The following DNAJC11 variants were observed in gnomAD, a reference collection of about 807,000 sequenced individuals.
The protein encoded by DNAJC11 is DnaJ heat shock protein family (Hsp40) member C11, also known as dnaJ homolog subfamily C member 11.
In DNAJC11, 15 loss-of-function variants were observed where a neutral mutation model predicts 78.6. The observed-to-expected ratio is 0.19, with a 90% CI of 0.13 to 0.29. The LOEUF (loss-of-function observed/expected upper bound fraction) is 0.29. DNAJC11 is among the 10% of genes least tolerant of loss of function. The pLI, the probability that DNAJC11 is intolerant of heterozygous loss-of-function variation, is 1.00. For synonymous variants in DNAJC11, 292 were observed against 272.1 expected (o/e 1.07, Z -0.72); for missense variants, 547 against 709.6 (o/e 0.77, Z 2.60).
At chr1:6,690,785 G>A (rs1181273072) in intron 1 of DNAJC11, among the ~76,000 whole-genome samples, 5 of 152,284 alleles carry the variant, frequency 3.3e-5, no homozygotes, top group African/African-American at 1.2e-4. Flanking sequence ...TTAGCTGGGC[G>A]TGGTGGCGGG....
At position 6,698,690 on chromosome 1, in the gene DNAJC11, C is replaced by T. The variant is rs568968594; in HGVS notation, c.72+3039G>A. Among the ~76,000 whole-genome samples the T allele has an allele frequency of 2.0e-3, 297 of 151,594 alleles. 3 individuals carry two copies. Among genetic ancestry groups the T allele is most frequent in the African/African-American group, 6.7e-3 (277 of 41,328 alleles). On this transcript the variant is annotated intron_variant, in intron 1 of 15. Transcript: ENST00000377577. Reference sequence around the variant, plus strand: ...GGTGCAGTGGCTCATGCCTGTAATCCCAGCACTTTGGGAGGCTGAGATGGG... The same window carrying T: ...GGTGCAGTGGCTCATGCCTGTAATCTCAGCACTTTGGGAGGCTGAGATGGG...
Position 6,645,404 on chromosome 1 carries a change from G to T in DNAJC11, c.895-278C>A, listed in dbSNP as rs944380153. ...GCTCCTAGGTGGCAGCGGCTGGTGA[G>T]AGCCAAGGAGCAGTGGCCCGTGTGG... On this transcript the variant is annotated intron_variant, in intron 8 of 15. Coordinates refer to ENST00000377577, the MANE Select transcript of DNAJC11 (RefSeq NM_018198.4). This position sits in a 1 kb window ranked among gnomAD's most constrained non-coding sequence, Gnocchi z 4.1. Among the ~76,000 whole-genome samples the T allele has an allele frequency of 6.6e-6, 1 of 152,256 alleles. No individual in the cohort carries two copies. The highest frequency in any genetic ancestry group is 6.5e-5 in the Admixed American group (1 of 15,290).
chr1:6,690,658 C>T lies in DNAJC11; in HGVS notation c.73-9621G>A, dbSNP rs560621822. 1.4e-4 allele frequency among the ~76,000 whole-genome samples: 21 copies of T among 152,336 alleles called. No individual in the cohort carries two copies. The East Asian group carries it at 3.3e-3, about 24-fold the overall frequency. On this transcript the variant is annotated intron_variant, in intron 1 of 15. Transcript: ENST00000377577. The stretch of plus-strand genomic sequence containing the variant: ...CCCCTGAATTGCCTGGGCGTGGTGG[C>T]TCACGCCTGTAATCCCAGCACTTTG...
intron 1 of DNAJC11, among the ~76,000 whole-genome samples, chr1:6,694,752 T>C (rs992834834): frequency 4.7e-5 from 7 of 147,444 alleles, no homozygotes; most frequent in African/African-American, 7.6e-5. Context: ...GATCACAAGG[T>C]CAGGAGATCG....
At chr1:6,641,931 A>G (rs1641884343) in intron 10 of DNAJC11, among the ~76,000 whole-genome samples, 2 of 152,102 alleles carry the variant, frequency 1.3e-5, no homozygotes, top group South Asian at 4.1e-4. Context: ...GAGATTGAAC[A>G]TGGCAAACAT....
intron 4 of DNAJC11, among the ~76,000 whole-genome samples, chr1:6,658,118 G>A (rs981868068): frequency 3.3e-5 from 5 of 152,132 alleles, no homozygotes; most frequent in East Asian, 3.9e-4. Context: ...CAGCTTGATC[G>A]TGAGATTGCA....
intron 10 of DNAJC11, among the ~76,000 whole-genome samples, chr1:6,643,451 A>AT (rs1255934444): frequency 1.3e-5 from 2 of 151,658 alleles, no homozygotes; most frequent in Non-Finnish European, 1.5e-5. Flanking sequence ...AATTTTTTGT[A>AT]TTTTTAGTAG....
intron 7 of DNAJC11, among the ~76,000 whole-genome samples, chr1:6,646,450 C>T (rs1641967434): frequency 6.6e-6 from 1 of 152,180 alleles, no homozygotes; most frequent in South Asian, 2.1e-4. Flanking sequence ...GCTTGGAGTG[C>T]TAAGTGTCCC....
chr1:6,641,657 A>T (rs937393421), intron 10 of DNAJC11, among the ~76,000 whole-genome samples: 2 of 151,642 alleles, frequency 1.3e-5, no homozygotes, highest in Non-Finnish European at 2.9e-5. Context: ...TTGGCCTCCC[A>T]AAGTGTGCGC....
chr1:6,671,371 T>G (rs1186436216), intron 3 of DNAJC11, among the ~76,000 whole-genome samples: 1 of 151,786 alleles, frequency 6.6e-6, no homozygotes, highest in African/African-American at 2.4e-5. Flanking sequence ...GCCTCCTGAG[T>G]AGCTGGGACT....
intron 12 of DNAJC11, chr1:6,637,844 A>G (rs942200829): frequency 1.4e-5 from 6 of 436,838 alleles, no homozygotes; most frequent in African/African-American, 1.2e-4. Context: ...AAAAATAAAG[A>G]GATTTCACAG....
At chr1:6,638,201 G>C in intron 12 of DNAJC11, 94 bp downstream of exon 12, 4 of 1,266,518 alleles carry the variant, frequency 3.2e-6, no homozygotes, top group Non-Finnish European at 4.4e-6. Flanking sequence ...TGTTGGAGAA[G>C]AGAAGTCTGA....
chr1:6,683,907 T>C (rs1642593133), intron 1 of DNAJC11, among the ~76,000 whole-genome samples: 1 of 152,198 alleles, frequency 6.6e-6, no homozygotes, highest in African/African-American at 2.4e-5. Context: ...TAGTGTTTTG[T>C]TTTCCTCCCA....
Position 6,645,744 on chromosome 1 carries a change from C to G in DNAJC11, c.894+45G>C. On this transcript the variant is annotated intron_variant, in intron 8 of 15. Coordinates refer to ENST00000377577, the MANE Select transcript of DNAJC11 (RefSeq NM_018198.4). The surrounding 1 kb of genome is among the most constrained non-coding windows in gnomAD (Gnocchi z 4.1). ...GCACTGAGTGCTTGGGAGGAGGGGT[C>G]CTCCCAGAGCTCTGTCTGCAGGAGA... is the stretch of plus-strand genomic sequence containing the variant. 1 of 1,598,482 alleles carries G rather than the reference C, an allele frequency of 6.3e-7. No individual in the cohort carries two copies. The highest frequency in any genetic ancestry group is 8.6e-7 in the Non-Finnish European group (1 of 1,168,208).
chr1:6,692,483 C>T (rs1196856434), intron 1 of DNAJC11, among the ~76,000 whole-genome samples: 3 of 151,878 alleles, frequency 2.0e-5, no homozygotes, highest in African/African-American at 4.8e-5. Context: ...CATACTTAGC[C>T]CCAACTTCCA....
At chr1:6,636,977 C>A (rs546683976) in intron 14 of DNAJC11, among the ~76,000 whole-genome samples, 1 of 152,188 alleles carries the variant, frequency 6.6e-6, no homozygotes, top group Non-Finnish European at 1.5e-5. Flanking sequence ...GCCTCCCGAA[C>A]AGCTGGGACA....
chr1:6,637,878 CTT>C (rs1293913851), intron 12 of DNAJC11: 5 of 415,766 alleles, frequency 1.2e-5, no homozygotes, highest in African/African-American at 1.0e-4. Context: ...CCCAGCTCCT[CTT>C]GAGAAAGGAC....
chr1:6,681,468 G>A (rs1339359058), intron 1 of DNAJC11, among the ~76,000 whole-genome samples: 1 of 152,186 alleles, frequency 6.6e-6, no homozygotes, highest in African/African-American at 2.4e-5. Flanking sequence ...TAACGAACAT[G>A]AATCCTTGAA....
intron 1 of DNAJC11, 24 bp from the exon 2 acceptor site, chr1:6,681,061 G>A (rs369084269): frequency 6.3e-7 from 1 of 1,587,950 alleles, no homozygotes; most frequent in Non-Finnish European, 8.6e-7. Context: ...AATTCAATTA[G>A]AGAACAATCA....
Sources: gnomAD v4.1 joint callset for allele counts (sites outside exome capture counted in the v4.1 genomes callset) on GRCh38, gnomAD v4.1.1 for gene constraint, Gnocchi (gnomAD v3.1) non-coding constraint, MANE v1.5 for transcripts, NCBI Gene and HGNC (gene_info 2026-07-23, HGNC 2026-07-21) for gene names.